Variants in SVIL observed in about 807,000 individuals in gnomAD.
The protein encoded by SVIL is archvillin.
In SVIL, 101 loss-of-function variants were observed where a neutral mutation model predicts 240.4. The observed-to-expected ratio is 0.42, with a 90% CI of 0.36 to 0.50. The LOEUF (loss-of-function observed/expected upper bound fraction) is 0.50, where lower values mean the gene tolerates loss of function less well. SVIL is among the 20% of genes least tolerant of loss of function. The pLI, the probability that SVIL is intolerant of heterozygous loss-of-function variation, is 0.01. For synonymous variants in SVIL, 999 were observed against 1,100.0 expected, an observed-to-expected ratio of 0.91 and a Z score of 1.82; for missense variants, 2,512 against 2,818.7, an observed-to-expected ratio of 0.89 and a Z score of 2.46.
rs58469441 is a variant in SVIL, at chr10:29,590,165, CAAAAAAAAA to C, written c.-200-20862_-200-20854del. Among the ~76,000 whole-genome samples the C allele has an allele frequency of 2.9e-4, 23 of 79,670 alleles. No individual in the cohort carries two copies. The South Asian group carries it at 0.012, about 42-fold the overall frequency. 52.3% of individuals were successfully genotyped at this position (79,670 alleles called of 152,430 possible). A position where few individuals can be genotyped will look rare whatever the true frequency, so the allele number is the denominator to read the frequency against. On this transcript the variant is annotated intron_variant, in intron 1 of 37. Transcript: ENST00000355867. ...TTGGCAACAGAGCAAGACTCCGTCTCAAAAAAAAAAAAAAAAAAAAAAAAAAAAAAGTTG... is the reference window on the plus strand; with the variant it reads ...TTGGCAACAGAGCAAGACTCCGTCTCAAAAAAAAAAAAAAAAAAAAAGTTG...
chr10:29,528,093 T>C (rs369549901), intron 12 of SVIL, among the ~76,000 whole-genome samples: 1 of 152,190 alleles, frequency 6.6e-6, no homozygotes, highest in Non-Finnish European at 1.5e-5. Flanking sequence ...GGTAGATTTA[T>C]TGAGCCTTAA....
At chr10:29,715,622 G>A (rs1963569355) in intron 1 of SVIL, among the ~76,000 whole-genome samples, 1 of 152,196 alleles carries the variant, frequency 6.6e-6, no homozygotes, top group African/African-American at 2.4e-5. Context: ...GTCAGAAGTT[G>A]TCCCCAGACT....
At chr10:29,696,359 C>T (rs1961994422) in intron 1 of SVIL, among the ~76,000 whole-genome samples, 1 of 152,134 alleles carries the variant, frequency 6.6e-6, no homozygotes, top group Non-Finnish European at 1.5e-5. Flanking sequence ...ATTGCAGCCC[C>T]TGCCCGGCCG....
At chr10:29,679,043 T>TA (rs1287076576) in intron 2 of SVIL, among the ~76,000 whole-genome samples, 4 of 152,108 alleles carry the variant, frequency 2.6e-5, no homozygotes, top group African/African-American at 7.2e-5. Context: ...CCATCTCTAC[T>TA]AAAAATGCAA....
intron 2 of SVIL, among the ~76,000 whole-genome samples, chr10:29,677,627 G>T (rs1960298336): frequency 6.6e-6 from 1 of 151,976 alleles, no homozygotes; most frequent in African/African-American, 2.4e-5. Flanking sequence ...TCACTATATT[G>T]CCTAGGCTTC....
intron 1 of SVIL, among the ~76,000 whole-genome samples, chr10:29,691,024 A>G (rs1277521152): frequency 3.3e-5 from 5 of 152,254 alleles, no homozygotes; most frequent in Non-Finnish European, 7.3e-5. Context: ...TTTTAGAAGC[A>G]TCAATTATTC....
chr10:29,565,172 A>C (rs1954864652), intron 2 of SVIL, among the ~76,000 whole-genome samples: 1 of 152,192 alleles, frequency 6.6e-6, no homozygotes, highest in African/African-American at 2.4e-5. Flanking sequence ...AAAAATAAAC[A>C]TCTGTATGCC....
intron 23 of SVIL, 109 bp downstream of exon 23, chr10:29,488,490 AGT>A: frequency 7.9e-7 from 1 of 1,269,214 alleles, no homozygotes; most frequent in Non-Finnish European, 1.0e-6. Flanking sequence ...GTTCTCAAAA[AGT>A]GTGCGTTCCT....
chr10:29,557,855 T>C (rs891807505), intron 3 of SVIL, among the ~76,000 whole-genome samples: 1 of 152,154 alleles, frequency 6.6e-6, no homozygotes, highest in Non-Finnish European at 1.5e-5. Context: ...ATCAGGGTCA[T>C]GGGCTCAGGA....
At chr10:29,515,430 A>G (rs903456967) in intron 16 of SVIL, among the ~76,000 whole-genome samples, 2 of 152,236 alleles carry the variant, frequency 1.3e-5, no homozygotes, top group Admixed American at 6.5e-5. Context: ...AAAGAAATTC[A>G]TATTTGCATG....
chr10:29,519,930 G>A (rs888090845), intron 16 of SVIL, among the ~76,000 whole-genome samples: 2 of 152,134 alleles, frequency 1.3e-5, no homozygotes, highest in African/African-American at 2.4e-5. Flanking sequence ...ATCCTTGAAC[G>A]CCTTACATGT....
At chr10:29,566,873 A>G (rs760502776) in intron 2 of SVIL, among the ~76,000 whole-genome samples, 1 of 152,140 alleles carries the variant, frequency 6.6e-6, no homozygotes, top group East Asian at 1.9e-4. Context: ...TTCCCCAGGG[A>G]CAAAGGGGTG....
chr10:29,718,737 G>T (rs1203343689), intron 1 of SVIL, among the ~76,000 whole-genome samples: 2 of 152,154 alleles, frequency 1.3e-5, no homozygotes, highest in African/African-American at 4.8e-5. Context: ...TGCCTGAGGG[G>T]GTGGGGGAAC....
In SVIL at chr10:29,535,872, T is replaced by C. The variant is rs536890608; in HGVS notation, c.908+117A>G. On this transcript the variant is annotated intron_variant, in intron 7 of 37. Coordinates refer to ENST00000355867, the MANE Select transcript of SVIL (RefSeq NM_021738.3). ...ATTAGAAAGTAACTTCCACGTGATTTTCAAGTGCACTGGTATTAAAGAAGG... is the reference window on the plus strand; with the variant it reads ...ATTAGAAAGTAACTTCCACGTGATTCTCAAGTGCACTGGTATTAAAGAAGG... 22 of 1,016,930 alleles carry C rather than the reference T, an allele frequency of 2.2e-5. 1 individual carries two copies. The South Asian group carries it at 2.9e-4, about 13-fold the overall frequency. The allele number at this position is 1,016,930 out of a possible 1,614,324, so 63.0% of individuals were successfully genotyped here. A position where few individuals can be genotyped will look rare whatever the true frequency, so the allele number is the denominator to read the frequency against.
At chr10:29,474,135 AGGGAAG>A (rs1432390111) in intron 29 of SVIL, 146 bp from the exon 30 acceptor site, 2 of 1,143,202 alleles carry the variant, frequency 1.7e-6, no homozygotes, top group Non-Finnish European at 2.4e-6. Context: ...TGGCACCTGG[AGGGAAG>A]GCTGGTCACG....
chr10:29,563,107 G>A (rs1361726258), intron 3 of SVIL, 94 bp downstream of exon 3: 1 of 263,504 alleles, frequency 3.8e-6, no homozygotes, highest in Non-Finnish European at 5.9e-6. Context: ...GAGACTGTAA[G>A]CTGGAGGTTA....
At chr10:29,671,249 T>C (rs1392471903) in intron 2 of SVIL, 1 of 152,228 alleles carries the variant, frequency 6.6e-6, no homozygotes, top group Non-Finnish European at 1.5e-5. Flanking sequence ...CCTTCCATTA[T>C]CAGCCAAGAG....
rs762655776 is a variant in SVIL at position 29,493,291 on chromosome 10, G to T, written c.3942C>A (p.Ser1314Arg). Reference protein sequence around the residue: ...DDETFAKFYRSVDYNMPRSPV... With the variant: ...DDETFAKFYRRVDYNMPRSPV... ...GACTTCTTGGCATATTATAATCCAC[G>T]CTGCGGTAAAATTTGGCAAAGGTTT... is the stretch of plus-strand genomic sequence containing the variant. Residue 1314 changes from serine to arginine, a missense_variant, in exon 21 of 38, where the codon AGC becomes AGA. Physicochemically the swap from Ser to Arg is moderately radical, Grantham distance 110 (BLOSUM62 -1). Around this residue, in one of 3 missense-constraint regions of SVIL, gnomAD observed 272 missense variants for 406.8 expected, o/e 0.67. Transcript: ENST00000355867. 6 of 1,614,096 alleles carry T rather than the reference G, an allele frequency of 3.7e-6. No individual in the cohort carries two copies. In the South Asian group the frequency reaches 6.6e-5, roughly 18 times the overall value.
chr10:29,605,950 G>A (rs370108212), intron 1 of SVIL, among the ~76,000 whole-genome samples: 22 of 151,978 alleles, frequency 1.4e-4, no homozygotes, highest in East Asian at 5.8e-4. Flanking sequence ...TTGCTCTGTC[G>A]CCCAGGCTGG....
Sources: gnomAD v4.1 joint callset for allele counts (sites outside exome capture counted in the v4.1 genomes callset) on GRCh38, gnomAD v4.1.1 for gene constraint, gnomAD v4.1.1 regional missense constraint, MANE v1.5 for transcripts, NCBI Gene and HGNC (gene_info 2026-07-23, HGNC 2026-07-21) for gene names.